RNF180: variants seen among roughly 807,000 people sequenced by gnomAD.
RNF180 encodes the protein ring finger protein 180, also known as E3 ubiquitin-protein ligase RNF180.
In RNF180, 38 loss-of-function variants were observed where a neutral mutation model predicts 59.2. The observed-to-expected ratio is 0.64, with a 90% CI of 0.50 to 0.84. The LOEUF is 0.84. RNF180 is among the 40% of genes least tolerant of loss of function. RNF180 has a pLI of 0.00. For missense variants in RNF180, 705 were observed against 700.9 expected (o/e 1.01, Z -0.07); for synonymous variants, 262 against 240.3 (o/e 1.09, Z -0.84).
chr5:64,258,618 A>G (rs1008283028), intron 5 of RNF180, among the ~76,000 whole-genome samples: 10 of 152,194 alleles, frequency 6.6e-5, no homozygotes, highest in African/African-American at 2.2e-4. Flanking sequence ...AAGGAATGCT[A>G]GACATATTGA....
intron 7 of RNF180, among the ~76,000 whole-genome samples, chr5:64,351,119 C>T (rs1441126756): frequency 6.6e-6 from 1 of 151,728 alleles, no homozygotes; most frequent in Non-Finnish European, 1.5e-5. Context: ...TGAAGAGGTC[C>T]TTCACATCCC....
intron 5 of RNF180, among the ~76,000 whole-genome samples, chr5:64,263,867 A>G (rs571275894): frequency 2.5e-4 from 38 of 152,216 alleles, no homozygotes; most frequent in Non-Finnish European, 4.3e-4. Context: ...AGTCTTGTCT[A>G]TTTTTGACTT....
At chr5:64,257,564 T>C (rs2112303386) in intron 5 of RNF180, among the ~76,000 whole-genome samples, 1 of 152,302 alleles carries the variant, frequency 6.6e-6, no homozygotes, top group East Asian at 1.9e-4. Context: ...CACTTGATCA[T>C]GGTGGATAAG....
chr5:64,333,726 T>TG (rs1304866197), intron 7 of RNF180, among the ~76,000 whole-genome samples: 1 of 152,190 alleles, frequency 6.6e-6, no homozygotes, highest in African/African-American at 2.4e-5. Flanking sequence ...TTAAAGCAGT[T>TG]GCTTCCTTGT....
At chr5:64,167,454 G>T (rs940367974) in intron 1 of RNF180, among the ~76,000 whole-genome samples, 6 of 151,880 alleles carry the variant, frequency 4.0e-5, no homozygotes, top group African/African-American at 9.7e-5. Context: ...TCAAAGTGAA[G>T]ATTTTTTCTT....
chr5:64,231,266 G>A (rs904383427), intron 5 of RNF180, among the ~76,000 whole-genome samples: 1 of 152,174 alleles, frequency 6.6e-6, no homozygotes, highest in Admixed American at 6.5e-5. Flanking sequence ...TCTTCAGACT[G>A]CTAGGGTCCA....
At chr5:64,256,876 G>A (rs536410368) in intron 5 of RNF180, among the ~76,000 whole-genome samples, 12 of 152,082 alleles carry the variant, frequency 7.9e-5, no homozygotes, top group South Asian at 2.1e-4. Flanking sequence ...CTTTTATTTC[G>A]TTGAGCAGTG....
At chr5:64,265,980 C>T (rs968371488) in intron 5 of RNF180, among the ~76,000 whole-genome samples, 3 of 152,094 alleles carry the variant, frequency 2.0e-5, no homozygotes, top group African/African-American at 7.2e-5. Flanking sequence ...CTCTTAGTAG[C>T]AATTGTGAAT....
At chr5:64,210,985 G>A (rs969726003) in intron 2 of RNF180, among the ~76,000 whole-genome samples, 4 of 152,116 alleles carry the variant, frequency 2.6e-5, no homozygotes, top group African/African-American at 9.7e-5. Context: ...GGAGAGTGAG[G>A]AGCTGGAAAA....
At chr5:64,270,491 C>A (rs1741335594) in intron 5 of RNF180, among the ~76,000 whole-genome samples, 1 of 152,082 alleles carries the variant, frequency 6.6e-6, no homozygotes, top group Admixed American at 6.6e-5. Context: ...GCCTTAAGCA[C>A]ATTTATTTTA....
At position 64,358,765 on chromosome 5, in the gene RNF180, A is replaced by G. The variant is rs548558121; in HGVS notation, c.1580-10850A>G. Among the ~76,000 whole-genome samples the G allele has an allele frequency of 4.0e-4, 59 of 148,596 alleles. No individual in the cohort carries two copies. In the East Asian group the frequency reaches 9.9e-3, roughly 25 times the overall value. ...ACTAACTCGTCATCTAGCATTAGGT[A>G]TATCTCCCAATGCTATCCCTCCCCC... On this transcript the variant is annotated intron_variant, in intron 7 of 7. Transcript: ENST00000389100.
At position 64,213,682 on chromosome 5, in the gene RNF180, G is replaced by A. The variant is rs146084819; in HGVS notation, c.356G>A (p.Arg119Gln). The A allele has an allele frequency of 3.9e-4, 631 of 1,613,928 alleles. No homozygotes were observed. The highest frequency in any genetic ancestry group is 5.1e-4 in the Non-Finnish European group (597 of 1,179,996). The change falls in exon 4 of 8, where the codon CGG becomes CAG. Residue 119 changes from arginine (R) to glutamine (Q), a missense_variant. Coordinates refer to ENST00000389100, the MANE Select transcript of RNF180 (RefSeq NM_001113561.2). ...QLAAVHLSKS[R>Q]TDYQPTQAGR... ...GCAGCTGTACATCTCTCCAAGAGCC[G>A]GACTGATTATCAGCCAACACAGGCA...
chr5:64,232,353 T>C (rs570817528), intron 5 of RNF180, among the ~76,000 whole-genome samples: 89 of 152,270 alleles, frequency 5.8e-4, no homozygotes, highest in African/African-American at 2.0e-3. Flanking sequence ...CTGCAGACAT[T>C]GTAAGTGTTA....
chr5:64,200,469 A>C (rs987893739), intron 1 of RNF180, among the ~76,000 whole-genome samples: 1 of 152,100 alleles, frequency 6.6e-6, no homozygotes, highest in Non-Finnish European at 1.5e-5. Context: ...ACAAACAAAC[A>C]AAAAAACTAC....
chr5:64,342,140 A>G (rs1745375686), intron 7 of RNF180, among the ~76,000 whole-genome samples: 1 of 152,140 alleles, frequency 6.6e-6, no homozygotes, highest in Non-Finnish European at 1.5e-5. Context: ...GCTTCTGAGT[A>G]GGATATAGTA....
At chr5:64,361,776 A>G (rs932638908) in intron 7 of RNF180, among the ~76,000 whole-genome samples, 2 of 151,558 alleles carry the variant, frequency 1.3e-5, no homozygotes, top group African/African-American at 2.4e-5. Flanking sequence ...TTCTCTTACT[A>G]TTAACTCCAA....
intron 5 of RNF180, among the ~76,000 whole-genome samples, chr5:64,294,228 G>A (rs1024121608): frequency 6.6e-6 from 1 of 152,094 alleles, no homozygotes; most frequent in Non-Finnish European, 1.5e-5. Flanking sequence ...GATTAAAAAA[G>A]TTTAACAAGT....
chr5:64,321,721 A>G (rs114562489), intron 5 of RNF180, among the ~76,000 whole-genome samples: 211 of 152,308 alleles, frequency 1.4e-3, no homozygotes, highest in Non-Finnish European at 2.5e-3. Context: ...ATCCTAAGCA[A>G]AAAGAAGAAG....
chr5:64,288,800 T>C (rs775644224), intron 5 of RNF180, among the ~76,000 whole-genome samples: 1 of 152,202 alleles, frequency 6.6e-6, no homozygotes, highest in Non-Finnish European at 1.5e-5. Context: ...CCTGAGATGA[T>C]GGGGTTTTCT....
Sources: allele counts gnomAD v4.1 joint callset (sites outside exome capture counted in the v4.1 genomes callset), GRCh38; gene constraint gnomAD v4.1.1; transcripts MANE v1.5; gene names NCBI Gene and HGNC (gene_info 2026-07-23, HGNC 2026-07-21).